TMC7: variants seen among roughly 807,000 people sequenced by gnomAD.
TMC7 encodes transmembrane channel like 7.
Under a neutral mutation model 82.9 loss-of-function variants are expected in TMC7, and 54 were observed. The ratio of observed to expected loss-of-function variants is 0.65; its 90% CI spans 0.52 to 0.82. The LOEUF (loss-of-function observed/expected upper bound fraction) is 0.82. Among genes scored for constraint, TMC7 ranks in the 40% least tolerant of loss-of-function variants. The pLI, the probability that TMC7 is intolerant of heterozygous loss-of-function variation, is 0.00. For synonymous variants in TMC7, 350 were observed against 337.9 expected, an observed-to-expected ratio of 1.04 and a Z score of -0.39; for missense variants, 820 against 901.2, an observed-to-expected ratio of 0.91 and a Z score of 1.15.
chr16:19,025,357 C>T (rs1371032929), intron 5 of TMC7, among the ~76,000 whole-genome samples: 1 of 152,132 alleles, frequency 6.6e-6, no homozygotes, highest in East Asian at 1.9e-4. Context: ...GTGGCTCATG[C>T]CTGTAACCCC....
At chr16:19,037,595 G>A (rs943415443) in intron 7 of TMC7, among the ~76,000 whole-genome samples, 5 of 151,326 alleles carry the variant, frequency 3.3e-5, no homozygotes, top group African/African-American at 1.2e-4. Context: ...TCAGCCTCCC[G>A]AGTAGCAGCG....
chr16:18,984,551 G>A, intron 1 of TMC7: 1 of 1,003,886 alleles, frequency 1.0e-6, no homozygotes, highest in Non-Finnish European at 1.2e-6. Flanking sequence ...ACCGAATTCT[G>A]CCTTGTCTGT....
chr16:19,030,015 C>T (rs1489665634), intron 5 of TMC7, among the ~76,000 whole-genome samples: 1 of 152,166 alleles, frequency 6.6e-6, no homozygotes, highest in Non-Finnish European at 1.5e-5. Flanking sequence ...CTTGCCCGGC[C>T]CACCTGTGCA....
intron 5 of TMC7, among the ~76,000 whole-genome samples, chr16:19,024,466 C>T (rs925414611): frequency 2.0e-5 from 3 of 152,128 alleles, no homozygotes; most frequent in African/African-American, 7.2e-5. Context: ...TCACTTTTTT[C>T]ATCAAATAAG....
rs887903582 is a variant in TMC7, at chr16:19,013,018, C to T, written c.312-3432C>T. The stretch of plus-strand genomic sequence containing the variant: ...TTTTAGTAGAGACAGGGTTTCACCA[C>T]GTTGGTCAGGCTGGTTTTGAACTCC... On this transcript the variant is annotated intron_variant, in intron 2 of 15. Coordinates refer to ENST00000304381, the MANE Select transcript of TMC7 (RefSeq NM_024847.4). 1.8e-4 allele frequency among the ~76,000 whole-genome samples: 27 copies of T among 149,970 alleles called. No individual in the cohort carries two copies. The Middle Eastern group carries it at 0.011, about 60-fold the overall frequency.
chr16:19,058,782 T>C (rs1265126917), intron 14 of TMC7, among the ~76,000 whole-genome samples: 1 of 152,186 alleles, frequency 6.6e-6, no homozygotes, highest in Non-Finnish European at 1.5e-5. Flanking sequence ...CATAGCTCAC[T>C]GCAGCCTTGA....
intron 12 of TMC7, among the ~76,000 whole-genome samples, chr16:19,047,690 C>T (rs1276396274): frequency 1.3e-4 from 18 of 141,568 alleles, no homozygotes; most frequent in African/African-American, 2.4e-4. Context: ...CCACCGTGCC[C>T]GGCCGAAAAA....
At chr16:19,020,423 A>T (rs910890605) in intron 3 of TMC7, among the ~76,000 whole-genome samples, 2 of 152,228 alleles carry the variant, frequency 1.3e-5, no homozygotes, top group Admixed American at 6.5e-5. Flanking sequence ...AATGATATGC[A>T]TGTAGATAAT....
intron 1 of TMC7, among the ~76,000 whole-genome samples, chr16:18,996,953 G>A (rs992567814): frequency 2.6e-5 from 4 of 152,228 alleles, no homozygotes; most frequent in Admixed American, 6.5e-5. Context: ...AATAAAATGT[G>A]TCTCTTTTGT....
chr16:18,987,939 A>G (rs186647951), intron 1 of TMC7, among the ~76,000 whole-genome samples: 3 of 152,220 alleles, frequency 2.0e-5, no homozygotes, highest in Admixed American at 6.5e-5. Flanking sequence ...AGCAGGGACT[A>G]CTTGGAACGG....
intron 5 of TMC7, among the ~76,000 whole-genome samples, chr16:19,026,853 C>G (rs2142225495): frequency 6.6e-6 from 1 of 152,074 alleles, no homozygotes. Flanking sequence ...CCTCTGCCCC[C>G]TGGGTTCAAG....
chr16:19,046,739 A>G (rs1961289933), intron 11 of TMC7, among the ~76,000 whole-genome samples: 1 of 151,970 alleles, frequency 6.6e-6, no homozygotes, highest in Non-Finnish European at 1.5e-5. Context: ...AGGCTGAGGC[A>G]GGAGGATCAC....
chr16:19,030,077 C>A, intron 5 of TMC7, 147 bp from the exon 6 acceptor site: 1 of 765,364 alleles, frequency 1.3e-6, no homozygotes, highest in Non-Finnish European at 2.1e-6. Flanking sequence ...ACTGAATACT[C>A]CCTGTGCCTC....
At chr16:19,024,617 G>C (rs1023093167) in intron 5 of TMC7, among the ~76,000 whole-genome samples, 12 of 151,608 alleles carry the variant, frequency 7.9e-5, no homozygotes, top group African/African-American at 1.9e-4. Flanking sequence ...AGAGTGTAGT[G>C]GTGCAATTGT....
chr16:18,994,407 C>T (rs908182735), intron 1 of TMC7, among the ~76,000 whole-genome samples: 3 of 151,068 alleles, frequency 2.0e-5, no homozygotes, highest in African/African-American at 7.3e-5. Context: ...TACTGACTAT[C>T]GTGCCACTGC....
intron 5 of TMC7, among the ~76,000 whole-genome samples, chr16:19,028,558 G>A (rs1315931253): frequency 6.6e-6 from 1 of 152,104 alleles, no homozygotes; most frequent in African/African-American, 2.4e-5. Flanking sequence ...CAAGGATGAT[G>A]TTGAATCTGT....
chr16:19,040,594 G>C (rs373626023), intron 9 of TMC7, 148 bp downstream of exon 9: 11 of 675,142 alleles, frequency 1.6e-5, no homozygotes, highest in African/African-American at 5.4e-5. Flanking sequence ...CCCCATGAAT[G>C]AATCAGAATT....
At chr16:18,999,122 T>C (rs1377219376) in intron 1 of TMC7, among the ~76,000 whole-genome samples, 1 of 152,196 alleles carries the variant, frequency 6.6e-6, no homozygotes, top group African/African-American at 2.4e-5. Context: ...CACTGCAGCC[T>C]CAACCTTCCA....
chr16:19,056,518 G>A (rs1229542167), intron 13 of TMC7, 24 bp from the exon 14 acceptor site: 2 of 1,608,850 alleles, frequency 1.2e-6, no homozygotes, highest in African/African-American at 1.3e-5. Flanking sequence ...CTCCTTCTGA[G>A]CCCGTTGGTC....
Sources: allele counts gnomAD v4.1 joint callset (sites outside exome capture counted in the v4.1 genomes callset), GRCh38; gene constraint gnomAD v4.1.1; transcripts MANE v1.5; gene names NCBI Gene and HGNC (gene_info 2026-07-23, HGNC 2026-07-21).